TDRD12: variants seen among roughly 807,000 people sequenced by gnomAD.
TDRD12 encodes tudor domain containing 12.
Under a neutral mutation model 133.5 loss-of-function variants are expected in TDRD12, and 158 were observed. That is an observed-to-expected ratio of 1.18 (90% CI 1.04 to 1.35). The LOEUF is 1.35. Among genes scored for constraint, TDRD12 ranks in the 40% most tolerant of loss-of-function variants. The pLI, the probability that TDRD12 is intolerant of heterozygous loss-of-function variation, is 0.00. For synonymous variants in TDRD12, 460 were observed against 477.9 expected (o/e 0.96, Z 0.49); for missense variants, 1,443 against 1,321.3 (o/e 1.09, Z -1.43).
chr19:32,822,357 A>G (rs1000475227), downstream of TDRD12, among the ~76,000 whole-genome samples: 1 of 150,852 alleles, frequency 6.6e-6, no homozygotes, highest in East Asian at 2.0e-4. Flanking sequence ...TCTTGAATCC[A>G]GGAGGCGGAG....
At chr19:32,827,134 C>G (rs1451019800) in intron 9 of TDRD12, 30 bp from the exon 33 acceptor site, 23 of 1,159,010 alleles carry the variant, frequency 2.0e-5, no homozygotes, top group Non-Finnish European at 2.1e-5. Context: ...TTAGTCTACA[C>G]TTATTTGTTA....
At chr19:32,825,805 C>T (rs190893860), downstream of TDRD12, among the ~76,000 whole-genome samples, 18 of 152,218 alleles carry the variant, frequency 1.2e-4, no homozygotes, top group Admixed American at 7.2e-4. This position sits in a 1 kb window ranked among gnomAD's most constrained non-coding sequence, Gnocchi z 4.1. Flanking sequence ...CGCTTGAACT[C>T]GAAGGCAGAG....
At chr19:32,794,654 C>T (rs933450999) in exon 14 of TDRD12, 2 of 702,700 alleles carry the variant, frequency 2.8e-6, no homozygotes, top group Admixed American at 2.0e-5. Flanking sequence ...AGTTTCCGGG[C>T]CCCAGCCACA....
At chr19:32,767,537 T>G (rs559301177) in intron 8 of TDRD12, among the ~76,000 whole-genome samples, 1 of 152,348 alleles carries the variant, frequency 6.6e-6, no homozygotes, top group Non-Finnish European at 1.5e-5. Context: ...GAAGTTGAAT[T>G]TTCTAACATG....
intron 3 of TDRD12, among the ~76,000 whole-genome samples, chr19:32,742,347 G>A (rs956131484): frequency 6.6e-6 from 1 of 152,090 alleles, no homozygotes; most frequent in African/African-American, 2.4e-5. Context: ...TAGTATAAGA[G>A]ACAGGGTTTC....
intron 1 of TDRD12, among the ~76,000 whole-genome samples, chr19:32,730,574 G>C (rs992201442): frequency 3.3e-5 from 5 of 152,010 alleles, no homozygotes; most frequent in African/African-American, 9.7e-5. Flanking sequence ...CTGATCATTT[G>C]TTATAAAAAT....
chr19:32,791,127 G>C (rs1387685482), intron 13 of TDRD12, 59 bp downstream of exon 13: 1 of 1,484,586 alleles, frequency 6.7e-7, no homozygotes. Context: ...AATAGAGAAG[G>C]ATTTTGAAAT....
intron 19 of TDRD12, 106 bp from the exon 20 acceptor site, chr19:32,802,548 AGT>A: frequency 7.7e-7 from 1 of 1,293,560 alleles, no homozygotes; most frequent in Non-Finnish European, 1.0e-6. Context: ...CATCCAAAAA[AGT>A]AAAATGTGAT....
chr19:32,788,125 T>C (rs1599586204), intron 11 of TDRD12, among the ~76,000 whole-genome samples: 2 of 151,032 alleles, frequency 1.3e-5, no homozygotes, highest in African/African-American at 4.9e-5. Flanking sequence ...TTTTTTTTCT[T>C]TTTTTTTGTT....
intron 11 of TDRD12, among the ~76,000 whole-genome samples, chr19:32,782,143 T>C (rs1221838637): frequency 7.8e-6 from 1 of 127,974 alleles, no homozygotes; most frequent in Non-Finnish European, 1.6e-5. Flanking sequence ...CAGGCCCCAG[T>C]GTGTGATGTT....
chr19:32,723,542 C>G (rs1354867497), intron 1 of TDRD12, among the ~76,000 whole-genome samples: 1 of 152,062 alleles, frequency 6.6e-6, no homozygotes, highest in East Asian at 1.9e-4. Context: ...AGCCACCGTG[C>G]CTGGCCCTTT....
chr19:32,726,388 C>A (rs1482069407), intron 1 of TDRD12, among the ~76,000 whole-genome samples: 1 of 152,158 alleles, frequency 6.6e-6, no homozygotes, highest in Non-Finnish European at 1.5e-5. Context: ...CAAATACATT[C>A]ATAATGTTGT....
chr19:32,810,398 G>A, intron 23 of TDRD12, 121 bp downstream of exon 23: 1 of 800,188 alleles, frequency 1.2e-6, no homozygotes, highest in Non-Finnish European at 1.8e-6. Flanking sequence ...GGTGACAGCG[G>A]GGTGTCCCCC....
chr19:32,786,592 T>C (rs1044235094), intron 11 of TDRD12, among the ~76,000 whole-genome samples: 1 of 152,208 alleles, frequency 6.6e-6, no homozygotes, highest in Non-Finnish European at 1.5e-5. Context: ...TTTCACATAG[T>C]CCCATATTTC....
intron 23 of TDRD12, among the ~76,000 whole-genome samples, chr19:32,810,704 CACCACTTGGT>C (rs1332530417): frequency 6.6e-6 from 1 of 152,324 alleles, no homozygotes; most frequent in East Asian, 1.9e-4. Flanking sequence ...CCACACCTGG[CACCACTTGGT>C]GATAGCCTTG....
intron 10 of TDRD12, among the ~76,000 whole-genome samples, chr19:32,775,660 T>G (rs1405502249): frequency 6.6e-6 from 1 of 151,512 alleles, no homozygotes; most frequent in Non-Finnish European, 1.5e-5. Flanking sequence ...AAATTTTCCT[T>G]GTTTTTTTTT....
chr19:32,736,566 A>G (rs1457715418), intron 2 of TDRD12, among the ~76,000 whole-genome samples: 10 of 152,232 alleles, frequency 6.6e-5, no homozygotes. Context: ...TCAGCATTAA[A>G]TAGAAATACC....
intron 1 of TDRD12, among the ~76,000 whole-genome samples, chr19:32,724,557 T>C (rs1368769136): frequency 6.6e-6 from 1 of 152,250 alleles, no homozygotes; most frequent in Non-Finnish European, 1.5e-5. Context: ...TATTATCTTG[T>C]TACTTTTTAT....
chr19:32,826,228 GTCTT>G, downstream of TDRD12: 2 of 1,485,254 alleles, frequency 1.3e-6, no homozygotes, highest in Admixed American at 2.3e-5. Context: ...GAATGCGCAG[GTCTT>G]TCTTCTTCTA....
Sources: allele counts gnomAD v4.1 joint callset (sites outside exome capture counted in the v4.1 genomes callset), GRCh38; gene constraint gnomAD v4.1.1; non-coding constraint Gnocchi (gnomAD v3.1); transcripts MANE v1.5; gene names NCBI Gene and HGNC (gene_info 2026-07-23, HGNC 2026-07-21).